The following RTTN variants were observed in gnomAD, a reference collection of about 807,000 sequenced individuals.
RTTN encodes rotatin.
A neutral mutation model predicts 269.2 loss-of-function variants in RTTN; 182 were observed. The ratio of observed to expected loss-of-function variants is 0.68; its 90% CI spans 0.60 to 0.76. RTTN has a LOEUF of 0.76. Among genes scored for constraint, RTTN ranks in the 30% least tolerant of loss-of-function variants. RTTN has a pLI of 0.00. For synonymous variants in RTTN, 1,006 were observed against 963.5 expected (o/e 1.04, Z -0.82); for missense variants, 2,545 against 2,608.6 (o/e 0.98, Z 0.53).
chr18:70,131,330 T>C (rs2059993829), intron 23 of RTTN: 2 of 151,094 alleles, frequency 1.3e-5, no homozygotes, highest in South Asian at 2.1e-4. Flanking sequence ...ATAATTATAA[T>C]AACATCTTAT....
chr18:70,017,062 G>C (rs1206078681), intron 46 of RTTN, among the ~76,000 whole-genome samples: 1 of 152,118 alleles, frequency 6.6e-6, no homozygotes, highest in African/African-American at 2.4e-5. Flanking sequence ...TGACATAGTA[G>C]CATTTGCTTG....
At chr18:70,074,579 CACAT>C (rs1400281812) in intron 33 of RTTN, among the ~76,000 whole-genome samples, 1 of 152,022 alleles carries the variant, frequency 6.6e-6, no homozygotes, top group African/African-American at 2.4e-5. Flanking sequence ...CACATACACA[CACAT>C]GTGGCAAGAT....
chr18:70,037,583 G>A (rs1262671852), intron 40 of RTTN, among the ~76,000 whole-genome samples: 1 of 152,148 alleles, frequency 6.6e-6, no homozygotes, highest in Non-Finnish European at 1.5e-5. Context: ...TGACTAAAGA[G>A]CCCTCAGGCC....
intron 11 of RTTN, among the ~76,000 whole-genome samples, chr18:70,170,791 C>A (rs2061120571): frequency 6.6e-6 from 1 of 152,028 alleles, no homozygotes; most frequent in African/African-American, 2.4e-5. Flanking sequence ...CTGCAGTAAT[C>A]CAGGCAGGAC....
At chr18:70,093,627 G>A (rs931262618) in intron 28 of RTTN, among the ~76,000 whole-genome samples, 5 of 152,032 alleles carry the variant, frequency 3.3e-5, no homozygotes, top group East Asian at 1.9e-4. Context: ...TATGTTGAAC[G>A]GGCCTTGCAT....
chr18:70,190,450 TA>T, intron 9 of RTTN, 87 bp downstream of exon 9: 1 of 924,606 alleles, frequency 1.1e-6, no homozygotes, highest in Non-Finnish European at 1.6e-6. Flanking sequence ...CCAAAGGCCC[TA>T]ACATAGAAGA....
intron 25 of RTTN, among the ~76,000 whole-genome samples, chr18:70,125,006 G>C (rs1568422632): frequency 6.6e-6 from 1 of 152,006 alleles, no homozygotes; most frequent in Non-Finnish European, 1.5e-5. Flanking sequence ...ACTATCATCT[G>C]TTTTCTTAAA....
At chr18:70,086,727 A>G in intron 31 of RTTN, 43 bp from the exon 32 acceptor site, 2 of 1,065,736 alleles carry the variant, frequency 1.9e-6, no homozygotes, top group Non-Finnish European at 2.6e-6. Context: ...AAAAAAAAAA[A>G]AAAAAAGGTC....
rs1305426145 is a variant in RTTN at position 70,190,685 on chromosome 18, T to C, written c.1042A>G (p.Ile348Val). The C allele has an allele frequency of 1.2e-6, 2 of 1,611,854 alleles. No individual in the cohort carries two copies. Among genetic ancestry groups the C allele is most frequent in the East Asian group, 2.2e-5 (1 of 44,836 alleles). Residue 348 changes from isoleucine to valine, a missense_variant, in exon 9 of 49, where the codon ATA (isoleucine) becomes GTA (valine). Transcript: ENST00000640769. ...SSSHAHVNSR[I>V]SVHSPLDMGH... ...ATATCCAAAGGTGAATGAACGGATA[T>C]CCTGGAGTTTACATGAGCATGACTA...
intron 46 of RTTN, among the ~76,000 whole-genome samples, chr18:70,012,957 A>C (rs1470354965): frequency 6.6e-6 from 1 of 152,210 alleles, no homozygotes; most frequent in Non-Finnish European, 1.5e-5. Flanking sequence ...TTTAACAAAA[A>C]CAAAACAAAA....
At chr18:70,075,157 T>C (rs1441036276) in intron 33 of RTTN, 195 bp downstream of exon 33, 1 of 440,316 alleles carries the variant, frequency 2.3e-6, no homozygotes, top group Non-Finnish European at 3.9e-6. Context: ...ATGAACATAA[T>C]TACATAAAAC....
chr18:70,105,181 T>A (rs865892382), intron 28 of RTTN, among the ~76,000 whole-genome samples: 1 of 152,214 alleles, frequency 6.6e-6, no homozygotes, highest in Middle Eastern at 3.4e-3. Flanking sequence ...GATTACCTAC[T>A]CAAGCCTCAG....
chr18:70,142,384 C>G lies in RTTN; in HGVS notation c.2485G>C (p.Glu829Gln). 6.5e-7 allele frequency: 1 copy of G among 1,538,338 alleles called. No individual in the cohort carries two copies. The part of the protein sequence containing the change: ...DDRRELVIKL[E>Q]TVEKVYEIFT... ...ATTTCATATACCTTTTCAACAGTCTCCAACTACAAACCAAAAAAAAAAAAA... is the reference window on the plus strand; with the variant it reads ...ATTTCATATACCTTTTCAACAGTCTGCAACTACAAACCAAAAAAAAAAAAA... The change falls in exon 19 of 49, where the codon GAG becomes CAG. Residue 829 changes from glutamate (E) to glutamine (Q), a missense_variant. Glu to Gln is a conservative substitution (Grantham distance 29). Transcript: ENST00000640769.
At chr18:70,123,250 A>G (rs1310280036) in intron 25 of RTTN, among the ~76,000 whole-genome samples, 1 of 152,116 alleles carries the variant, frequency 6.6e-6, no homozygotes, top group Non-Finnish European at 1.5e-5. Flanking sequence ...TTTAGGATAC[A>G]ATGTGGTGTT....
At chr18:70,103,522 G>A (rs1166099294) in intron 28 of RTTN, among the ~76,000 whole-genome samples, 3 of 152,028 alleles carry the variant, frequency 2.0e-5, no homozygotes, top group Admixed American at 2.0e-4. Flanking sequence ...TAAGGGCGGT[G>A]CAAGATGTGC....
At chr18:70,187,960 C>A in intron 10 of RTTN, 148 bp downstream of exon 10, 1 of 573,450 alleles carries the variant, frequency 1.7e-6, no homozygotes. Flanking sequence ...TAGGCCTGTT[C>A]CAGGCTATTT....
chr18:70,129,436 A>G (rs1056664597), intron 23 of RTTN: 1 of 152,126 alleles, frequency 6.6e-6, no homozygotes, highest in Non-Finnish European at 1.5e-5. Context: ...AAACAGACAC[A>G]CAGACCAATA....
chr18:70,013,442 T>C (rs926343648), intron 46 of RTTN, among the ~76,000 whole-genome samples: 5 of 142,700 alleles, frequency 3.5e-5, no homozygotes, highest in Non-Finnish European at 1.5e-5. Flanking sequence ...TGTGAATTAA[T>C]GTGGTGGGCC....
At chr18:70,145,489 C>A in intron 18 of RTTN, 123 bp downstream of exon 18, 1 of 669,384 alleles carries the variant, frequency 1.5e-6, no homozygotes, top group Non-Finnish European at 2.4e-6. Context: ...TCAAACCAGC[C>A]CTGAATCCCC....
Sources: allele counts gnomAD v4.1 joint callset (sites outside exome capture counted in the v4.1 genomes callset), GRCh38; gene constraint gnomAD v4.1.1; transcripts MANE v1.5; gene names NCBI Gene and HGNC (gene_info 2026-07-23, HGNC 2026-07-21).